Variants in CPEB3 observed in about 807,000 individuals in gnomAD.
The protein encoded by CPEB3 is cytoplasmic polyadenylation element-binding protein 3.
In CPEB3, 20 loss-of-function variants were observed where a neutral mutation model predicts 67.2. The ratio of observed to expected loss-of-function variants is 0.30; its 90% CI spans 0.21 to 0.43. The LOEUF is 0.43. Among genes scored for constraint, CPEB3 ranks in the 20% least tolerant of loss-of-function variants. CPEB3 has a pLI of 1.00. For synonymous variants in CPEB3, 376 were observed against 393.1 expected (o/e 0.96, Z 0.51); for missense variants, 746 against 968.6 (o/e 0.77, Z 3.05).
At chr10:92,190,183 C>G (rs974549364) in intron 3 of CPEB3, among the ~76,000 whole-genome samples, 4 of 151,952 alleles carry the variant, frequency 2.6e-5, no homozygotes, top group Admixed American at 2.6e-4. Flanking sequence ...GAGGCTGAGG[C>G]AGGAGAATCA....
intron 2 of CPEB3, among the ~76,000 whole-genome samples, chr10:92,224,561 GA>G (rs933529784): frequency 6.7e-6 from 1 of 148,750 alleles, no homozygotes; most frequent in Non-Finnish European, 1.5e-5. Context: ...TCCCTCTGCT[GA>G]AAAAAAAACA....
At chr10:92,256,426 T>C (rs1327252072) in intron 1 of CPEB3, among the ~76,000 whole-genome samples, 1 of 151,508 alleles carries the variant, frequency 6.6e-6, no homozygotes, top group Non-Finnish European at 1.5e-5. Flanking sequence ...AGTCTCACTC[T>C]GTTGCCCAGC....
At chr10:92,200,748 G>A (rs947805731) in intron 2 of CPEB3, among the ~76,000 whole-genome samples, 6 of 151,906 alleles carry the variant, frequency 3.9e-5, no homozygotes, top group Non-Finnish European at 8.8e-5. Context: ...TGCTCTGAAG[G>A]ATGCTCAAAA....
intron 3 of CPEB3, among the ~76,000 whole-genome samples, chr10:92,190,971 G>C (rs189960286): frequency 3.3e-5 from 5 of 152,292 alleles, no homozygotes; most frequent in African/African-American, 1.2e-4. Flanking sequence ...AAATTACAAA[G>C]ATCTGATAGA....
intron 3 of CPEB3, among the ~76,000 whole-genome samples, chr10:92,186,865 T>A (rs567522431): frequency 2.0e-5 from 3 of 152,294 alleles, no homozygotes; most frequent in African/African-American, 7.2e-5. Context: ...ACAAGAACCA[T>A]CACTTCTTGC....
In CPEB3 at chr10:92,216,290, G is replaced by T. The variant is rs543610369; in HGVS notation, c.1005+23056C>A. ...ATCTCTACTAAAAACATAAAATTTGGCTGGGCAGCCTCCCTGGGACTAGGT... is the reference window on the plus strand; with the variant it reads ...ATCTCTACTAAAAACATAAAATTTGTCTGGGCAGCCTCCCTGGGACTAGGT... On this transcript the variant is annotated intron_variant, in intron 2 of 9. Coordinates refer to ENST00000265997, the MANE Select transcript of CPEB3 (RefSeq NM_014912.5). 1,603 of 1,544,048 alleles carry T rather than the reference G, an allele frequency of 1.0e-3. 2 individuals carry two copies. Among genetic ancestry groups the T allele is most frequent in the Middle Eastern group, 1.4e-3 (8 of 5,838 alleles).
chr10:92,190,847 T>C (rs1227913228), intron 3 of CPEB3, among the ~76,000 whole-genome samples: 1 of 152,124 alleles, frequency 6.6e-6, no homozygotes, highest in Non-Finnish European at 1.5e-5. Flanking sequence ...AGACTCTCAC[T>C]GTTAATTTAC....
At chr10:92,115,356 G>A (rs1209388351) in intron 6 of CPEB3, among the ~76,000 whole-genome samples, 11 of 147,450 alleles carry the variant, frequency 7.5e-5, no homozygotes, top group African/African-American at 2.1e-4. Flanking sequence ...GTTTCACCAC[G>A]TTGGTCAGGA....
chr10:92,112,109 TAAGC>T (rs1844773581), intron 6 of CPEB3, among the ~76,000 whole-genome samples: 1 of 145,074 alleles, frequency 6.9e-6, no homozygotes, highest in Admixed American at 7.1e-5. Flanking sequence ...AATACTAAAA[TAAGC>T]AAGACCACGT....
chr10:92,229,769 G>A (rs564701268), intron 2 of CPEB3, among the ~76,000 whole-genome samples: 25 of 152,342 alleles, frequency 1.6e-4, no homozygotes, highest in African/African-American at 6.0e-4. Flanking sequence ...AACGGGCCAG[G>A]CGCAGTGGCT....
rs1852138407 is a variant in CPEB3, at chr10:92,047,178, A to G, written c.*5034T>C. The stretch of plus-strand genomic sequence containing the variant: ...CACTTCTTGACCCATTTTGGGGTAT[A>G]AAGTCAACAGCATTAATTATAAAAC... On this transcript the variant is annotated 3_prime_UTR_variant, in exon 10 of 10. Transcript: ENST00000265997. 1 of 152,226 alleles carries G rather than the reference A, an allele frequency of 6.6e-6. No individual in the cohort carries two copies. Among genetic ancestry groups the G allele is most frequent in the Non-Finnish European group, 1.5e-5 (1 of 68,038 alleles). The allele number at this position is 152,226 out of a possible 1,614,324, so 9.4% of individuals were successfully genotyped here.
intron 7 of CPEB3, among the ~76,000 whole-genome samples, chr10:92,102,798 C>T (rs1437132449): frequency 6.6e-6 from 1 of 152,174 alleles, no homozygotes; most frequent in Non-Finnish European, 1.5e-5. Context: ...GCCCTTTGAG[C>T]GCTCTCCCCG....
At chr10:92,055,183 A>G (rs766007403) in intron 9 of CPEB3, among the ~76,000 whole-genome samples, 76 of 152,272 alleles carry the variant, frequency 5.0e-4, no homozygotes, top group Non-Finnish European at 9.7e-4. Flanking sequence ...TTGAAAATGC[A>G]GTATTAATAA....
At chr10:92,127,441 C>T (rs547565851) in intron 6 of CPEB3, among the ~76,000 whole-genome samples, 2 of 152,070 alleles carry the variant, frequency 1.3e-5, no homozygotes, top group East Asian at 1.9e-4. Flanking sequence ...TTTGGGAGAC[C>T]GAGGCAGGTG....
chr10:92,216,626 G>A, intron 2 of CPEB3: 1 of 1,609,538 alleles, frequency 6.2e-7, no homozygotes, highest in Non-Finnish European at 8.5e-7. Context: ...AGTTAGGTGT[G>A]AGGACCGAAA....
chr10:92,269,849 C>T (rs1169775995), intron 1 of CPEB3, among the ~76,000 whole-genome samples: 1 of 152,130 alleles, frequency 6.6e-6, no homozygotes, highest in Non-Finnish European at 1.5e-5. Flanking sequence ...TGAGCCACCA[C>T]ACACAGCCAA....
intron 7 of CPEB3, among the ~76,000 whole-genome samples, chr10:92,099,069 G>T (rs1844043765): frequency 1.3e-5 from 2 of 150,718 alleles, no homozygotes; most frequent in Admixed American, 1.3e-4. Flanking sequence ...ACCATGCCTA[G>T]CCCAGTTTGA....
At chr10:92,229,200 A>AT (rs201767885) in intron 2 of CPEB3, among the ~76,000 whole-genome samples, 2,220 of 151,996 alleles carry the variant, frequency 0.015, 26 homozygotes, top group Middle Eastern at 0.068. Context: ...ATTTTAAAAA[A>AT]TTTTTAATTT....
chr10:92,226,264 A>T (rs987726153), intron 2 of CPEB3, among the ~76,000 whole-genome samples: 3 of 152,246 alleles, frequency 2.0e-5, no homozygotes, highest in Non-Finnish European at 4.4e-5. Flanking sequence ...ACACAAATTT[A>T]ATCATTCCTT....
Sources: gnomAD v4.1 joint callset for allele counts (sites outside exome capture counted in the v4.1 genomes callset) on GRCh38, gnomAD v4.1.1 for gene constraint, MANE v1.5 for transcripts, NCBI Gene and HGNC (gene_info 2026-07-23, HGNC 2026-07-21) for gene names.